Variants in HP1BP3 observed in about 807,000 individuals in gnomAD.
The protein encoded by HP1BP3 is heterochromatin protein 1-binding protein 3.
In HP1BP3, 12 loss-of-function variants were observed where a neutral mutation model predicts 62.5. That is an observed-to-expected ratio of 0.19 (90% CI 0.12 to 0.31). The LOEUF is 0.31. Ranked by LOEUF, HP1BP3 falls within the 10% of genes least tolerant of loss-of-function variation. The pLI, the probability that HP1BP3 is intolerant of heterozygous loss-of-function variation, is 1.00. For missense variants in HP1BP3, 502 were observed against 651.8 expected (o/e 0.77, Z 2.50); for synonymous variants, 260 against 237.8 (o/e 1.09, Z -0.86).
At chr1:20,773,855 G>A in intron 4 of HP1BP3, 1 of 318,708 alleles carries the variant, frequency 3.1e-6, no homozygotes, top group Non-Finnish European at 5.7e-6. Context: ...ATTAGCACTG[G>A]TATAAGGGCT....
chr1:20,768,715 C>T (rs1478248093), intron 6 of HP1BP3, among the ~76,000 whole-genome samples: 1 of 152,056 alleles, frequency 6.6e-6, no homozygotes, highest in Non-Finnish European at 1.5e-5. Context: ...TAGCGGGCGC[C>T]TGTAATCCCA....
Position 20,743,352 on chromosome 1 carries a change from T to C in HP1BP3, c.*1445A>G, listed in dbSNP as rs1027622539. 2.6e-5 allele frequency: 4 copies of C among 152,514 alleles called. No homozygotes were observed. The highest frequency in any genetic ancestry group is 4.8e-5 in the African/African-American group (2 of 41,428). 9.4% of individuals were successfully genotyped at this position (152,514 alleles called of 1,614,324 possible). The stretch of plus-strand genomic sequence containing the variant: ...AACTCATGCTCCAAATATTAAAAAA[T>C]ATATTTAAACATATGATCAAGAAGA... On this transcript the variant is annotated 3_prime_UTR_variant, in exon 13 of 13. Transcript: ENST00000438032.
chr1:20,771,367 A>G lies in HP1BP3; in HGVS notation c.511-294T>C, dbSNP rs1037548674. 2.0e-5 allele frequency among the ~76,000 whole-genome samples: 3 copies of G among 152,228 alleles called. 1 individual carries two copies. The highest frequency in any genetic ancestry group is 2.0e-4 in the Admixed American group (3 of 15,284). The stretch of plus-strand genomic sequence containing the variant: ...CATTTTAATTCCATTCTGTATTTAG[A>G]AGATGAATCTTTGGCATCAAAATGA... On this transcript the variant is annotated intron_variant, in intron 5 of 12. Coordinates refer to ENST00000438032, the MANE Select transcript of HP1BP3 (RefSeq NM_001372052.1).
intron 9 of HP1BP3, among the ~76,000 whole-genome samples, chr1:20,752,423 T>C (rs377459735): frequency 6.6e-6 from 1 of 151,236 alleles, no homozygotes; most frequent in Admixed American, 6.6e-5. Context: ...ACCTCCCGAG[T>C]AGCTGGGACT....
intron 3 of HP1BP3, 76 bp downstream of exon 3, chr1:20,779,736 T>A (rs972142102): frequency 1.9e-5 from 17 of 899,410 alleles, no homozygotes; most frequent in Middle Eastern, 5.0e-4. Context: ...ACAATTAAGT[T>A]CAAAGGAATT....
intron 7 of HP1BP3, among the ~76,000 whole-genome samples, chr1:20,765,804 C>T (rs916252587): frequency 6.6e-6 from 1 of 151,666 alleles, no homozygotes; most frequent in Non-Finnish European, 1.5e-5. Context: ...AACCTCCTCT[C>T]TACTAAAAAT....
chr1:20,748,088 C>G (rs1483863944), intron 10 of HP1BP3, among the ~76,000 whole-genome samples: 1 of 151,750 alleles, frequency 6.6e-6, no homozygotes, highest in Admixed American at 6.6e-5. Flanking sequence ...AAAAAAAAAG[C>G]CCAGAGTGGT....
At chr1:20,785,515 G>A (rs1384999766) in intron 1 of HP1BP3, among the ~76,000 whole-genome samples, 2 of 152,182 alleles carry the variant, frequency 1.3e-5, no homozygotes, top group Non-Finnish European at 2.9e-5. Context: ...CAAAAAGCAT[G>A]CCTGTAATTT....
At chr1:20,765,646 T>C (rs2056743564) in intron 7 of HP1BP3, 115 bp from the exon 8 acceptor site, 3 of 796,440 alleles carry the variant, frequency 3.8e-6, no homozygotes, top group African/African-American at 3.6e-5. Context: ...GCAATTTCTT[T>C]GATATAAAAT....
chr1:20,776,234 GAATAAAATAGTGA>G, intron 4 of HP1BP3: 1 of 447,204 alleles, frequency 2.2e-6, no homozygotes, highest in East Asian at 3.5e-5. Context: ...ACAGAAGTAG[GAATAAAATAGTGA>G]AATGTCTTCT....
At chr1:20,775,020 T>C (rs776782250) in intron 4 of HP1BP3, 3 of 151,600 alleles carry the variant, frequency 2.0e-5, no homozygotes, top group Non-Finnish European at 4.4e-5. Context: ...ATTACAATTA[T>C]ACATAATACC....
chr1:20,763,913 A>G (rs922143270), intron 8 of HP1BP3, among the ~76,000 whole-genome samples: 1 of 152,176 alleles, frequency 6.6e-6, no homozygotes, highest in Admixed American at 6.5e-5. Flanking sequence ...TATCATATAT[A>G]TGTTTTTTGA....
Position 20,780,345 on chromosome 1 carries a change from C to G in HP1BP3, c.96G>C (p.Glu32Asp). Residue 32 changes from glutamate (E) to aspartate (D), a missense_variant and splice_region_variant, in exon 2 of 13, where the codon GAG becomes GAC. By Grantham distance (45) the Glu-to-Asp change is conservative (BLOSUM62 2). Coordinates refer to ENST00000438032, the MANE Select transcript of HP1BP3 (RefSeq NM_001372052.1). ...GCTTCAAGAATGTGTCAGCCCCTAC[C>G]TCACCTAACTTGTCCGCGTGGATCA... Reference protein sequence around the residue: ...AQLIHADKLGEKVEDSTMPIR... With the variant: ...AQLIHADKLGDKVEDSTMPIR... 1 of 1,610,072 alleles carries G rather than the reference C, an allele frequency of 6.2e-7. No individual in the cohort carries two copies. Among genetic ancestry groups the G allele is most frequent in the Non-Finnish European group, 8.5e-7 (1 of 1,176,242 alleles).
intron 7 of HP1BP3, among the ~76,000 whole-genome samples, chr1:20,766,029 C>T (rs984437002): frequency 3.3e-5 from 5 of 151,320 alleles, no homozygotes; most frequent in African/African-American, 7.3e-5. Context: ...TGGTGGCTCA[C>T]GTCTGTAATC....
In HP1BP3 at chr1:20,773,599, T is replaced by G. The variant is rs771477849; in HGVS notation, c.362A>C (p.Gln121Pro). The stretch of plus-strand genomic sequence containing the variant: ...CACTTTCTTCTCCTTTTCTTTAGAC[T>G]GATCTTTCTCACTTTAAAACAAAGA... ...SEETKKDEKD[Q>P]SKEKEKKVKK... Residue 121 changes from glutamine (Q) to proline (P), a missense_variant, in exon 5 of 13, where the codon CAG (glutamine) becomes CCG (proline). Coordinates refer to ENST00000438032, the MANE Select transcript of HP1BP3 (RefSeq NM_001372052.1). The G allele has an allele frequency of 6.2e-7, 1 of 1,600,126 alleles. No individual in the cohort carries two copies. Among genetic ancestry groups the G allele is most frequent in the East Asian group, 2.2e-5 (1 of 44,534 alleles).
chr1:20,750,475 C>T lies in HP1BP3; in HGVS notation c.982-593G>A, dbSNP rs542687804. On this transcript the variant is annotated intron_variant, in intron 9 of 12. Transcript: ENST00000438032. ...CCCAAGACGCGGGGTTGCAGTGTGCCGAAATCATGCCACTGAACTCCAGCC... is the reference window on the plus strand; with the variant it reads ...CCCAAGACGCGGGGTTGCAGTGTGCTGAAATCATGCCACTGAACTCCAGCC... Among the ~76,000 whole-genome samples the T allele has an allele frequency of 1.1e-4, 17 of 151,110 alleles. No individual in the cohort carries two copies. In the South Asian group the frequency reaches 3.1e-3, roughly 28 times the overall value.
chr1:20,761,162 G>A (rs2056446368), intron 8 of HP1BP3, among the ~76,000 whole-genome samples: 1 of 151,916 alleles, frequency 6.6e-6, no homozygotes, highest in East Asian at 1.9e-4. Flanking sequence ...CTCTTGCCTT[G>A]GCCTCTTGAG....
At chr1:20,749,019 TAAG>T (rs2055533945) in intron 10 of HP1BP3, among the ~76,000 whole-genome samples, 1 of 152,188 alleles carries the variant, frequency 6.6e-6, no homozygotes, top group Non-Finnish European at 1.5e-5. Flanking sequence ...CTTAGGTTAA[TAAG>T]AAATAATATA....
intron 4 of HP1BP3, 144 bp downstream of exon 4, chr1:20,776,453 C>T: frequency 1.4e-6 from 1 of 711,070 alleles, no homozygotes; most frequent in Non-Finnish European, 2.3e-6. Context: ...TATAATAAAC[C>T]TATTTCAAAT....
Sources: allele counts gnomAD v4.1 joint callset (sites outside exome capture counted in the v4.1 genomes callset), GRCh38; gene constraint gnomAD v4.1.1; transcripts MANE v1.5; gene names NCBI Gene and HGNC (gene_info 2026-07-23, HGNC 2026-07-21).